PTBP2: variants seen among roughly 807,000 people sequenced by gnomAD.
PTBP2 encodes polypyrimidine tract binding protein 2.
In PTBP2, 13 loss-of-function variants were observed where a neutral mutation model predicts 61.4. That is an observed-to-expected ratio of 0.21 (90% CI 0.14 to 0.34). The LOEUF (loss-of-function observed/expected upper bound fraction) is 0.34, where lower values mean the gene tolerates loss of function less well. Ranked by LOEUF, PTBP2 falls within the 10% of genes least tolerant of loss-of-function variation. The pLI, the probability that PTBP2 is intolerant of heterozygous loss-of-function variation, is 1.00. For missense variants in PTBP2, 405 were observed against 642.6 expected, an observed-to-expected ratio of 0.63 and a Z score of 4.00; for synonymous variants, 215 against 218.5, an observed-to-expected ratio of 0.98 and a Z score of 0.14.
At chr1:96,732,355 A>G (rs922129615) in intron 2 of PTBP2, among the ~76,000 whole-genome samples, 2 of 152,098 alleles carry the variant, frequency 1.3e-5, no homozygotes, top group African/African-American at 2.4e-5. Flanking sequence ...TCTCTAGGGT[A>G]TTTTTATTAG....
chr1:96,810,949 G>A (rs1454167083), intron 11 of PTBP2, among the ~76,000 whole-genome samples: 1 of 152,096 alleles, frequency 6.6e-6, no homozygotes, highest in East Asian at 1.9e-4. Context: ...AGAAAATTCA[G>A]ACTTGTGAGA....
intron 2 of PTBP2, among the ~76,000 whole-genome samples, chr1:96,725,016 T>TA (rs1482677835): frequency 2.0e-5 from 3 of 152,314 alleles, no homozygotes; most frequent in African/African-American, 7.2e-5. Context: ...TTGTACAGAC[T>TA]AAAGGAGGAA....
rs1225791072 is a variant in PTBP2, at chr1:96,762,526, G to A, written c.116-7177G>A. Reference sequence around the variant, plus strand: ...CCGCCACCTCCCTCCCGGACGGGGCGGCTGGCCGGGCTGGGGGCTGACCCC... The same window carrying A: ...CCGCCACCTCCCTCCCGGACGGGGCAGCTGGCCGGGCTGGGGGCTGACCCC... On this transcript the variant is annotated intron_variant, in intron 3 of 13. Coordinates refer to ENST00000674951, the MANE Select transcript of PTBP2 (RefSeq NM_021190.4). Among the ~76,000 whole-genome samples, 85 of 146,492 alleles carry A rather than the reference G, an allele frequency of 5.8e-4. 1 individual carries two copies. The highest frequency in any genetic ancestry group is 1.9e-3 in the African/African-American group (75 of 39,504).
chr1:96,734,962 G>A (rs1264684945), intron 2 of PTBP2, among the ~76,000 whole-genome samples: 7 of 144,900 alleles, frequency 4.8e-5, no homozygotes, highest in African/African-American at 1.8e-4. Flanking sequence ...CTGTTGCCCA[G>A]GCTGGAGTGC....
chr1:96,785,320 T>A, intron 8 of PTBP2, 66 bp downstream of exon 8: 1 of 1,265,798 alleles, frequency 7.9e-7, no homozygotes, highest in Non-Finnish European at 1.1e-6. Context: ...CCAGTAAGTA[T>A]AATGAATCCC....
chr1:96,794,496 C>T (rs1660168589), intron 8 of PTBP2, among the ~76,000 whole-genome samples: 1 of 152,216 alleles, frequency 6.6e-6, no homozygotes, highest in Non-Finnish European at 1.5e-5. Flanking sequence ...ACTAGCAGCT[C>T]TAAAAGGCTA....
At chr1:96,776,985 G>A (rs1658110814) in intron 5 of PTBP2, among the ~76,000 whole-genome samples, 1 of 151,948 alleles carries the variant, frequency 6.6e-6, no homozygotes, top group Non-Finnish European at 1.5e-5. Context: ...TAAAATGTAT[G>A]GGAAATATTC....
At chr1:96,761,171 G>T (rs551148855) in intron 3 of PTBP2, among the ~76,000 whole-genome samples, 8 of 152,252 alleles carry the variant, frequency 5.3e-5, no homozygotes, top group Middle Eastern at 3.4e-3. Flanking sequence ...CTGGTGTGAT[G>T]GAAACGTCCT....
At chr1:96,755,406 G>A (rs1481956898) in intron 3 of PTBP2, among the ~76,000 whole-genome samples, 1 of 152,170 alleles carries the variant, frequency 6.6e-6, no homozygotes, top group East Asian at 1.9e-4. Context: ...CTGCTGATGG[G>A]AATGTAAAAT....
intron 2 of PTBP2, among the ~76,000 whole-genome samples, chr1:96,725,958 C>G (rs1055382650): frequency 6.6e-6 from 1 of 150,754 alleles, no homozygotes; most frequent in Non-Finnish European, 1.5e-5. Context: ...GCCTGTAGTC[C>G]CAGCTACTCG....
At chr1:96,757,582 C>G (rs1470466436) in intron 3 of PTBP2, among the ~76,000 whole-genome samples, 1 of 152,066 alleles carries the variant, frequency 6.6e-6, no homozygotes, top group African/African-American at 2.4e-5. Context: ...TTGAAAAGTG[C>G]TATCATGTTG....
chr1:96,797,917 A>G (rs906116266), intron 8 of PTBP2, among the ~76,000 whole-genome samples: 4 of 152,074 alleles, frequency 2.6e-5, no homozygotes, highest in Non-Finnish European at 5.9e-5. Flanking sequence ...CTATACTTTA[A>G]GAATTAGAAT....
exon 14 of PTBP2, chr1:96,823,669 A>G (rs1446467198): frequency 6.6e-6 from 1 of 152,104 alleles, no homozygotes; most frequent in Admixed American, 6.5e-5. Context: ...ATTACTACCT[A>G]TGTCTCTCCA....
At chr1:96,803,240 C>G (rs1257911964) in intron 8 of PTBP2, among the ~76,000 whole-genome samples, 2 of 152,014 alleles carry the variant, frequency 1.3e-5, no homozygotes, top group Non-Finnish European at 2.9e-5. Flanking sequence ...ACCCTAATTT[C>G]TGAGATTTAC....
At chr1:96,779,687 T>C (rs1570920826) in intron 7 of PTBP2, among the ~76,000 whole-genome samples, 4 of 152,088 alleles carry the variant, frequency 2.6e-5, no homozygotes. Flanking sequence ...TAAGTACTTA[T>C]TCTGGTATCA....
chr1:96,741,873 G>A (rs544695985), intron 2 of PTBP2, among the ~76,000 whole-genome samples: 10 of 152,206 alleles, frequency 6.6e-5, no homozygotes, highest in Admixed American at 2.0e-4. Flanking sequence ...TTTCTCCAAT[G>A]ATCTGCTTTC....
chr1:96,810,016 CA>C (rs1286714582), intron 11 of PTBP2, among the ~76,000 whole-genome samples: 1 of 151,918 alleles, frequency 6.6e-6, no homozygotes, highest in Non-Finnish European at 1.5e-5. Context: ...AGTGGTAACA[CA>C]AAAAAATTTT....
At chr1:96,747,551 CAATT>C (rs146105970) in intron 2 of PTBP2, among the ~76,000 whole-genome samples, 2,881 of 152,010 alleles carry the variant, frequency 0.019, 93 homozygotes, top group African/African-American at 0.065. Context: ...TTAAGATAGT[CAATT>C]AAATTGAAAT....
chr1:96,795,077 T>C (rs894048892), intron 8 of PTBP2, among the ~76,000 whole-genome samples: 5 of 152,182 alleles, frequency 3.3e-5, no homozygotes, highest in Non-Finnish European at 5.9e-5. Flanking sequence ...TTGGCTTTTT[T>C]CAGGTTATGA....
Sources: allele counts gnomAD v4.1 joint callset (sites outside exome capture counted in the v4.1 genomes callset), GRCh38; gene constraint gnomAD v4.1.1; transcripts MANE v1.5; gene names NCBI Gene and HGNC (gene_info 2026-07-23, HGNC 2026-07-21).